COL19A1: variants seen among roughly 807,000 people sequenced by gnomAD.
COL19A1 encodes the protein collagen alpha-1(XIX) chain.
Under a neutral mutation model 190.2 loss-of-function variants are expected in COL19A1, and 159 were observed. The ratio of observed to expected loss-of-function variants is 0.84; its 90% confidence interval spans 0.73 to 0.95. The LOEUF (loss-of-function observed/expected upper bound fraction) is 0.95, where lower values mean the gene tolerates loss of function less well. COL19A1 is among the 40% of genes least tolerant of loss of function. The pLI is 0.00. For missense variants in COL19A1, 1,418 were observed against 1,431.9 expected (o/e 0.99, Z 0.16); for synonymous variants, 509 against 458.9 (o/e 1.11, Z -1.39).
At chr6:69,930,832 T>A (rs1025732586) in intron 6 of COL19A1, among the ~76,000 whole-genome samples, 6 of 151,986 alleles carry the variant, frequency 3.9e-5, no homozygotes, top group Non-Finnish European at 5.9e-5. Flanking sequence ...AACAAAAGAA[T>A]TGATCCCACA....
intron 15 of COL19A1, among the ~76,000 whole-genome samples, chr6:70,096,580 G>C (rs1349033938): frequency 1.3e-5 from 2 of 152,098 alleles, no homozygotes; most frequent in Non-Finnish European, 2.9e-5. Context: ...GATTCTATAA[G>C]AGAAAAAATG....
intron 16 of COL19A1, among the ~76,000 whole-genome samples, 158 bp from the exon 17 acceptor site, chr6:70,121,722 T>A: frequency 6.6e-6 from 1 of 152,204 alleles, no homozygotes; most frequent in East Asian, 1.9e-4. Flanking sequence ...GATGATAAGT[T>A]AATGCCCGTG....
At chr6:70,022,107 A>T (rs1432607302) in intron 11 of COL19A1, among the ~76,000 whole-genome samples, 1 of 152,178 alleles carries the variant, frequency 6.6e-6, no homozygotes, top group Non-Finnish European at 1.5e-5. Context: ...ATCTATTAAT[A>T]TCAGGTGCTT....
At chr6:70,088,554 T>C (rs1046084985) in intron 15 of COL19A1, among the ~76,000 whole-genome samples, 1 of 152,172 alleles carries the variant, frequency 6.6e-6, no homozygotes, top group Admixed American at 6.6e-5. Context: ...AATAGAAATA[T>C]TGCTGCTCCA....
intron 15 of COL19A1, among the ~76,000 whole-genome samples, chr6:70,074,516 A>G (rs12192395): frequency 0.047 from 7,055 of 148,924 alleles, 236 homozygotes; most frequent in South Asian, 0.087. Flanking sequence ...AAAAAAAAAA[A>G]AGAGAGAGAA....
At chr6:69,872,315 A>G (rs1345662084) in intron 1 of COL19A1, among the ~76,000 whole-genome samples, 2 of 152,054 alleles carry the variant, frequency 1.3e-5, no homozygotes, top group African/African-American at 4.8e-5. Flanking sequence ...CATCCTATCA[A>G]TAGGTATCAA....
chr6:70,155,363 T>G (rs757473883), intron 31 of COL19A1, among the ~76,000 whole-genome samples: 1 of 152,182 alleles, frequency 6.6e-6, no homozygotes, highest in Non-Finnish European at 1.5e-5. Context: ...TTCTTGGTCA[T>G]ATTCTTATTC....
At chr6:70,180,213 TGG>T in intron 42 of COL19A1, 97 bp from the exon 43 acceptor site, 1 of 1,360,730 alleles carries the variant, frequency 7.3e-7, no homozygotes, top group African/African-American at 1.4e-5. Flanking sequence ...GCATCACCCT[TGG>T]GAGCACTATA....
chr6:70,184,575 TA>T, intron 44 of COL19A1, 127 bp from the exon 45 acceptor site: 1 of 738,684 alleles, frequency 1.4e-6, no homozygotes, highest in South Asian at 2.0e-5. Flanking sequence ...TTTTCCATTT[TA>T]CCACCTTTCT....
chr6:70,190,956 A>T (rs1051042173), intron 48 of COL19A1, among the ~76,000 whole-genome samples: 3 of 152,198 alleles, frequency 2.0e-5, no homozygotes, highest in Non-Finnish European at 2.9e-5. Flanking sequence ...AAATCAAAAG[A>T]TATTTCATGA....
intron 25 of COL19A1, among the ~76,000 whole-genome samples, chr6:70,145,516 G>A (rs1786569080): frequency 6.6e-6 from 1 of 152,088 alleles, no homozygotes; most frequent in African/African-American, 2.4e-5. Context: ...AAAGACATGG[G>A]GGACTACTGA....
At chr6:69,950,683 C>T (rs895451300) in intron 9 of COL19A1, among the ~76,000 whole-genome samples, 4 of 119,358 alleles carry the variant, frequency 3.4e-5, no homozygotes, top group Non-Finnish European at 7.0e-5. Flanking sequence ...GCCACACACA[C>T]ACACACACAC....
chr6:70,195,087 T>C (rs1281426134), intron 48 of COL19A1, among the ~76,000 whole-genome samples: 1 of 149,468 alleles, frequency 6.7e-6, no homozygotes, highest in Non-Finnish European at 1.5e-5. Context: ...TATGTATGTA[T>C]ATATGTACTT....
intron 41 of COL19A1, among the ~76,000 whole-genome samples, chr6:70,173,373 G>C (rs1765610529): frequency 6.6e-6 from 1 of 152,184 alleles, no homozygotes; most frequent in Non-Finnish European, 1.5e-5. Context: ...AAGAGTCAAG[G>C]ATTGAGCCCC....
intron 46 of COL19A1, among the ~76,000 whole-genome samples, chr6:70,185,886 G>T (rs1235340600): frequency 6.6e-6 from 1 of 152,018 alleles, no homozygotes; most frequent in Non-Finnish European, 1.5e-5. Flanking sequence ...AAATACAGAT[G>T]ATGTAAATTT....
chr6:69,889,394 A>T (rs537734806), intron 2 of COL19A1, among the ~76,000 whole-genome samples: 1 of 151,786 alleles, frequency 6.6e-6, no homozygotes, highest in African/African-American at 2.4e-5. Flanking sequence ...TTCTCTTTTT[A>T]TCTCACTCAC....
chr6:70,103,652 A>G (rs1783774336), intron 16 of COL19A1, among the ~76,000 whole-genome samples: 1 of 152,146 alleles, frequency 6.6e-6, no homozygotes, highest in Non-Finnish European at 1.5e-5. Flanking sequence ...CAGTAGGCCT[A>G]TATATGCTTC....
intron 4 of COL19A1, among the ~76,000 whole-genome samples, chr6:69,913,100 A>G (rs1296845379): frequency 2.0e-5 from 3 of 152,130 alleles, no homozygotes; most frequent in Non-Finnish European, 4.4e-5. Flanking sequence ...AAAAATTAAA[A>G]AATAAAAAGT....
intron 48 of COL19A1, among the ~76,000 whole-genome samples, chr6:70,197,280 G>A (rs958388978): frequency 4.6e-5 from 7 of 151,774 alleles, no homozygotes; most frequent in South Asian, 4.2e-4. Context: ...AAAATTAGCC[G>A]GGCATGGTGG....
Sources: gnomAD v4.1 joint callset for allele counts (sites outside exome capture counted in the v4.1 genomes callset) on GRCh38, gnomAD v4.1.1 for gene constraint, MANE v1.5 for transcripts, NCBI Gene and HGNC (gene_info 2026-07-23, HGNC 2026-07-21) for gene names.